The following APBA1 variants were observed in gnomAD, a reference collection of about 807,000 sequenced individuals.
APBA1 encodes the protein amyloid beta precursor protein binding family A member 1, also known as amyloid-beta A4 precursor protein-binding family A member 1.
APBA1 carries 55 observed loss-of-function variants against 86.6 expected under a neutral mutation model. The observed-to-expected ratio is 0.64, with a 90% confidence interval of 0.51 to 0.80. APBA1 has a LOEUF of 0.80. Ranked by LOEUF, APBA1 falls within the 30% of genes least tolerant of loss-of-function variation. The pLI, the probability that APBA1 is intolerant of heterozygous loss-of-function variation, is 0.00. For missense variants in APBA1, 1,090 were observed against 1,183.0 expected, an observed-to-expected ratio of 0.92 and a Z score of 1.15; for synonymous variants, 511 against 493.9, an observed-to-expected ratio of 1.03 and a Z score of -0.46.
At chr9:69,653,893 A>C (rs1823556435) in intron 1 of APBA1, among the ~76,000 whole-genome samples, 1 of 152,104 alleles carries the variant, frequency 6.6e-6, no homozygotes, top group Non-Finnish European at 1.5e-5. Flanking sequence ...GGATCACTTG[A>C]GGTGAGGAGT....
At chr9:69,530,355 C>T (rs1049970361) in intron 1 of APBA1, among the ~76,000 whole-genome samples, 1 of 149,328 alleles carries the variant, frequency 6.7e-6, no homozygotes, top group African/African-American at 2.5e-5. Flanking sequence ...CACACACACA[C>T]ACATGCAACA....
At position 69,449,826 on chromosome 9, in the gene APBA1, C is replaced by T. The variant is rs147768980; in HGVS notation, c.1969-30G>A. The T allele has an allele frequency of 1.8e-4, 285 of 1,581,584 alleles. 1 individual carries two copies. In the African/African-American group the frequency reaches 3.0e-3, roughly 17 times the overall value. ...AAGGAGAAAAACATTTAGAAAACCT[C>T]CATCAGTGACCATCTGGGGTAGGTA... On this transcript the variant is annotated intron_variant, in intron 9 of 12. Transcript: ENST00000265381.
intron 1 of APBA1, among the ~76,000 whole-genome samples, chr9:69,571,345 T>C (rs1027409840): frequency 1.3e-5 from 2 of 152,264 alleles, no homozygotes; most frequent in African/African-American, 4.8e-5. Context: ...CTGGCCTTTT[T>C]ATCCATTTAA....
At chr9:69,453,629 GA>G (rs1835048668) in intron 8 of APBA1, among the ~76,000 whole-genome samples, 1 of 152,162 alleles carries the variant, frequency 6.6e-6, no homozygotes, top group South Asian at 2.1e-4. Context: ...CCTTCACTTG[GA>G]ATGCAAGAGG....
At chr9:69,461,805 C>T (rs1835195542) in intron 5 of APBA1, 1 of 152,134 alleles carries the variant, frequency 6.6e-6, no homozygotes, top group Admixed American at 6.5e-5. Context: ...TTGTCTATAC[C>T]ATGGGGTTAA....
chr9:69,563,959 C>G (rs926161419), intron 1 of APBA1, among the ~76,000 whole-genome samples: 1 of 152,122 alleles, frequency 6.6e-6, no homozygotes, highest in Admixed American at 6.5e-5. Flanking sequence ...GCTTGGTGGC[C>G]TTCATTTGAC....
chr9:69,539,866 C>A (rs1836575574), intron 1 of APBA1, among the ~76,000 whole-genome samples: 1 of 152,134 alleles, frequency 6.6e-6, no homozygotes, highest in South Asian at 2.1e-4. Flanking sequence ...CACCTGTAAT[C>A]CCAGCACTTT....
chr9:69,576,622 C>T (rs1255080076), intron 1 of APBA1, among the ~76,000 whole-genome samples: 2 of 152,098 alleles, frequency 1.3e-5, no homozygotes, highest in African/African-American at 4.8e-5. Flanking sequence ...AACCAAACAC[C>T]TCATGTTCTC....
chr9:69,564,476 G>T (rs1226207847), intron 1 of APBA1, among the ~76,000 whole-genome samples: 1 of 152,056 alleles, frequency 6.6e-6, no homozygotes, highest in Non-Finnish European at 1.5e-5. Context: ...TTTTGGGGTG[G>T]GAGGTCACAA....
At position 69,516,052 on chromosome 9, in the gene APBA1, G is replaced by A; in HGVS notation, c.1159C>T (p.Pro387Ser). The A allele has an allele frequency of 6.2e-7, 1 of 1,609,186 alleles. No individual in the cohort carries two copies. ...PIWVMRQDIS[P>S]TRDCDDQRPM... ...CTCTGGTCGTCACAGTCCCTGGTGG[G>A]GCTAATGTCCTGGCGCATGACCCAG... Residue 387 changes from proline (P) to serine (S), a missense_variant, in exon 2 of 13, where the codon CCC (proline) becomes TCC (serine). By Grantham distance (74) the Pro-to-Ser change is moderately conservative (BLOSUM62 -1). Around this residue, in one of 6 missense-constraint regions of APBA1, gnomAD observed 678 missense variants for 647.1 expected, o/e 1.05. Coordinates refer to ENST00000265381, the MANE Select transcript of APBA1 (RefSeq NM_001163.4). This position sits in a 1 kb window ranked among gnomAD's most constrained non-coding sequence, Gnocchi z 7.3.
chr9:69,500,856 G>C (rs1227491607), intron 2 of APBA1, among the ~76,000 whole-genome samples: 1 of 152,066 alleles, frequency 6.6e-6, no homozygotes, highest in Non-Finnish European at 1.5e-5. Context: ...TACAAGCATG[G>C]GGTAGAGGCC....
intron 1 of APBA1, among the ~76,000 whole-genome samples, chr9:69,656,061 C>T (rs1823605816): frequency 6.6e-6 from 1 of 152,160 alleles, no homozygotes; most frequent in South Asian, 2.1e-4. Flanking sequence ...AAAAATAACA[C>T]AACTTTAACA....
chr9:69,643,926 G>A (rs1055688899), intron 1 of APBA1, among the ~76,000 whole-genome samples: 1 of 152,144 alleles, frequency 6.6e-6, no homozygotes, highest in Non-Finnish European at 1.5e-5. Context: ...GCATGCTCTT[G>A]CCTCAAGGTC....
chr9:69,611,884 C>A (rs185506373), intron 1 of APBA1, among the ~76,000 whole-genome samples: 1 of 152,220 alleles, frequency 6.6e-6, no homozygotes, highest in East Asian at 1.9e-4. Flanking sequence ...GTAATGAACT[C>A]AAATGCTGTT....
At chr9:69,551,249 T>C (rs1275245158) in intron 1 of APBA1, among the ~76,000 whole-genome samples, 2 of 152,200 alleles carry the variant, frequency 1.3e-5, no homozygotes, top group Non-Finnish European at 2.9e-5. Context: ...TTAACATCAA[T>C]ATTTTAAAAA....
chr9:69,633,455 A>G (rs11139547), intron 1 of APBA1, among the ~76,000 whole-genome samples: 1,918 of 152,230 alleles, frequency 0.013, 23 homozygotes, highest in African/African-American at 0.039. Context: ...CTCCCAAAGC[A>G]CTCCACTTCA....
At chr9:69,647,221 A>T (rs369677361) in intron 1 of APBA1, among the ~76,000 whole-genome samples, 5 of 152,206 alleles carry the variant, frequency 3.3e-5, no homozygotes, top group African/African-American at 1.2e-4. Flanking sequence ...TGTTGTTCAG[A>T]AAGCAGACAC....
chr9:69,650,253 T>C (rs1317784665), intron 1 of APBA1, among the ~76,000 whole-genome samples: 1 of 152,212 alleles, frequency 6.6e-6, no homozygotes, highest in Non-Finnish European at 1.5e-5. Flanking sequence ...TATAGTGTTG[T>C]TGTGAGGATT....
chr9:69,607,671 T>G (rs1259563154), intron 1 of APBA1, among the ~76,000 whole-genome samples: 1 of 152,226 alleles, frequency 6.6e-6, no homozygotes, highest in Non-Finnish European at 1.5e-5. Flanking sequence ...TGTATTAACT[T>G]TTGACTTACT....
Sources: gnomAD v4.1 joint callset for allele counts (sites outside exome capture counted in the v4.1 genomes callset) on GRCh38, gnomAD v4.1.1 for gene constraint, gnomAD v4.1.1 regional missense constraint, Gnocchi (gnomAD v3.1) non-coding constraint, MANE v1.5 for transcripts, NCBI Gene and HGNC (gene_info 2026-07-23, HGNC 2026-07-21) for gene names.